MAN2B1: variants seen among roughly 807,000 people sequenced by gnomAD.
MAN2B1 encodes the protein lysosomal alpha-mannosidase.
MAN2B1 carries 99 observed loss-of-function variants against 127.5 expected under a neutral mutation model. The observed-to-expected ratio is 0.78, with a 90% CI of 0.66 to 0.92. The LOEUF (loss-of-function observed/expected upper bound fraction) is 0.92, where lower values mean the gene tolerates loss of function less well. MAN2B1 is among the 40% of genes least tolerant of loss of function. MAN2B1 has a pLI of 0.00. For synonymous variants in MAN2B1, 573 were observed against 568.8 expected (o/e 1.01, Z -0.11); for missense variants, 1,304 against 1,384.8 (o/e 0.94, Z 0.93).
In MAN2B1 at chr19:12,646,736, G is replaced by C; in HGVS notation, c.2924-4C>G. 3 of 1,603,350 alleles carry C rather than the reference G, an allele frequency of 1.9e-6. No individual in the cohort carries two copies. Among genetic ancestry groups the C allele is most frequent in the Non-Finnish European group, 2.6e-6 (3 of 1,170,184 alleles). Reference sequence around the variant, plus strand: ...GGAGTTTGGTGGGGTGTGGGGCCTGGAGAGGTGCAGGGGGAAGGAGGAGTG... The same window carrying C: ...GGAGTTTGGTGGGGTGTGGGGCCTGCAGAGGTGCAGGGGGAAGGAGGAGTG... On this transcript the variant is annotated splice_polypyrimidine_tract_variant and splice_region_variant and intron_variant, in intron 23 of 23. Coordinates refer to ENST00000456935, the MANE Select transcript of MAN2B1 (RefSeq NM_000528.4).
At chr19:12,652,091 C>T in intron 16 of MAN2B1, 62 bp downstream of exon 16, 4 of 1,290,668 alleles carry the variant, frequency 3.1e-6, no homozygotes, top group Non-Finnish European at 3.4e-6. Flanking sequence ...TGGCCCACCA[C>T]CCTCTTGGGC....
chr19:12,653,233 G>A (rs1318711372), intron 14 of MAN2B1, among the ~76,000 whole-genome samples: 3 of 138,816 alleles, frequency 2.2e-5, no homozygotes, highest in Admixed American at 7.5e-5. Flanking sequence ...TGCAACCTCC[G>A]CCTCCCGGGT....
intron 3 of MAN2B1, 159 bp from the exon 4 acceptor site, chr19:12,665,144 G>GC: frequency 9.8e-7 from 1 of 1,016,402 alleles, no homozygotes; most frequent in Non-Finnish European, 1.5e-6. Flanking sequence ...TGGGAAAGAG[G>GC]CCCCCTGCAT....
intron 3 of MAN2B1, 160 bp from the exon 4 acceptor site, chr19:12,665,145 C>T: frequency 2.0e-6 from 2 of 1,010,892 alleles, no homozygotes; most frequent in South Asian, 1.3e-5. Flanking sequence ...GGGAAAGAGG[C>T]CCCCTGCATG....
At chr19:12,658,781 T>C in intron 7 of MAN2B1, 1 of 489,926 alleles carries the variant, frequency 2.0e-6, no homozygotes, top group Non-Finnish European at 3.7e-6. Flanking sequence ...TATTAAAAAC[T>C]TTTGTGGAAA....
chr19:12,656,880 A>G, intron 12 of MAN2B1, 69 bp downstream of exon 12: 1 of 1,334,218 alleles, frequency 7.5e-7, no homozygotes, highest in South Asian at 1.2e-5. Context: ...ATAGTCCTCC[A>G]AAAACATTTT....
intron 4 of MAN2B1, 112 bp from the exon 5 acceptor site, chr19:12,663,947 G>A: frequency 1.5e-6 from 2 of 1,370,446 alleles, no homozygotes; most frequent in South Asian, 2.4e-5. Context: ...AGCAGTGCTA[G>A]GTCGATGTGG....
At chr19:12,657,686 C>A (rs1359446913) in intron 10 of MAN2B1, 131 bp from the exon 11 acceptor site, 25 of 808,638 alleles carry the variant, frequency 3.1e-5, no homozygotes, top group Non-Finnish European at 5.3e-5. Flanking sequence ...CGGCTGGGGG[C>A]GGTGGCTCAC....
intron 10 of MAN2B1, 91 bp downstream of exon 10, chr19:12,657,954 CAAAAAAAAAAAAAAAAAA>C (rs35296973): frequency 4.2e-6 from 2 of 481,462 alleles, no homozygotes; most frequent in Admixed American, 4.3e-5. Context: ...GACTCCGTCT[CAAAAAAAAAAAAAAAAAA>C]AAAAAAAAAG....
In MAN2B1 at chr19:12,655,754, G is replaced by C; in HGVS notation, c.1770C>G (p.Ala590=). 1.2e-6 allele frequency: 2 copies of C among 1,609,310 alleles called. No homozygotes were observed. Among genetic ancestry groups the C allele is most frequent in the Non-Finnish European group, 1.7e-6 (2 of 1,176,290 alleles). The change falls in exon 14 of 24, where the codon GCC becomes GCG. Residue 590 remains alanine, a synonymous_variant. Transcript: ENST00000456935. ...VAQVPRWKPQ[A]RAPQPIPRRS... is the part of the protein sequence containing the mutation. Reference sequence around the variant, plus strand: ...TTCTGGGGATGGGCTGTGGTGCGCGGGCCTGGGGCTTCCAGCGAGGCACCT... The same window carrying C: ...TTCTGGGGATGGGCTGTGGTGCGCGCGCCTGGGGCTTCCAGCGAGGCACCT...
In MAN2B1 at chr19:12,646,656, G is replaced by A. The variant is rs765633432; in HGVS notation, c.3000C>T (p.Phe1000=). 3 of 1,614,066 alleles carry A rather than the reference G, an allele frequency of 1.9e-6. No individual in the cohort carries two copies. The change falls in exon 24 of 24, where the codon TTC becomes TTT. Residue 1000 remains phenylalanine (F), a synonymous_variant. Transcript: ENST00000456935. ...ITLEPMEIRT[F]LASVQWKEVD... ...CCTCCTTCCATTGAACTGAGGCCAG[G>A]AAAGTGCGGATTTCCATGGGTTCCA...
Position 12,652,232 on chromosome 19 carries a change from G to T in MAN2B1, c.1967C>A (p.Ala656Asp). Residue 656 changes from alanine (A) to aspartate (D), a missense_variant, in exon 16 of 24, where the codon GCC becomes GAC. Physicochemically the swap from Ala to Asp is moderately radical, Grantham distance 126. Transcript: ENST00000456935. The stretch of plus-strand genomic sequence containing the variant: ...GGGTCTGAAGATGTAGGCACCTGAG[G>T]CCTGGTCACTTTCGTTGTCACCTAT... ...ASIGDNESDQASGAYIFRPNQ... is the reference protein window; with the variant it reads ...ASIGDNESDQDSGAYIFRPNQ... 6.2e-7 allele frequency: 1 copy of T among 1,614,158 alleles called. No individual in the cohort carries two copies. Among genetic ancestry groups the T allele is most frequent in the Non-Finnish European group, 8.5e-7 (1 of 1,180,026 alleles).
At position 12,663,840 on chromosome 19, in the gene MAN2B1, G is replaced by A; in HGVS notation, c.631-5C>T. On this transcript the variant is annotated splice_polypyrimidine_tract_variant and splice_region_variant and intron_variant, in intron 4 of 23. Coordinates refer to ENST00000456935, the MANE Select transcript of MAN2B1 (RefSeq NM_000528.4). ...GAAGAAGCCGTCGAAGCCCATCTGGGGATGAGGGAGGAAAAGGCAGTGTGA... is the reference window on the plus strand; with the variant it reads ...GAAGAAGCCGTCGAAGCCCATCTGGAGATGAGGGAGGAAAAGGCAGTGTGA... 6.2e-7 allele frequency: 1 copy of A among 1,614,106 alleles called. No individual in the cohort carries two copies. Among genetic ancestry groups the A allele is most frequent in the Non-Finnish European group, 8.5e-7 (1 of 1,180,020 alleles).
In MAN2B1 at chr19:12,666,665, G is replaced by T; in HGVS notation, c.37C>A (p.Arg13Ser). Reference sequence around the variant, plus strand: ...GGGCCTGCTGAGTCCAGGCAGCCGCGAGCGCAGACCCCCGAAGCCCGCGCG... The same window carrying T: ...GGGCCTGCTGAGTCCAGGCAGCCGCTAGCGCAGACCCCCGAAGCCCGCGCG... ...AYARASGVCA[R>S]GCLDSAGPWT... The change falls in exon 1 of 24, where the codon CGC becomes AGC. Residue 13 changes from arginine (R) to serine (S), a missense_variant. Transcript: ENST00000456935. The T allele has an allele frequency of 6.4e-7, 1 of 1,552,292 alleles. No individual in the cohort carries two copies. Among genetic ancestry groups the T allele is most frequent in the Non-Finnish European group, 8.7e-7 (1 of 1,148,046 alleles).
Position 12,648,321 on chromosome 19 carries a change from C to G in MAN2B1, c.2518G>C (p.Gly840Arg), listed in dbSNP as rs752079394. The G allele has an allele frequency of 6.2e-7, 1 of 1,613,672 alleles. No individual in the cohort carries two copies. The highest frequency in any genetic ancestry group is 1.7e-5 in the Admixed American group (1 of 60,012). ...GTGTCCAGCAGCACCAGGTGGCGCC[C>G]TCGCACCCACGCCCCCGACCCGTTC... ...MENGSGAWVR[G>R]RHLVLLDTAQ... The change falls in exon 21 of 24, where the codon GGG becomes CGG. Residue 840 changes from glycine (G) to arginine (R), a missense_variant. Gly to Arg is a moderately radical substitution (Grantham distance 125). Coordinates refer to ENST00000456935, the MANE Select transcript of MAN2B1 (RefSeq NM_000528.4).
Position 12,647,327 on chromosome 19 carries a change from G to T in MAN2B1, c.2829C>A (p.Phe943Leu). ...APVTLNLRDLFSTFTITRLQE... is the reference protein window; with the variant it reads ...APVTLNLRDLLSTFTITRLQE... ...GCAGGCGGGTGATGGTGAAGGTGGA[G>T]AACAGGTCCTGCGGGGAAGGGGATG... The change falls in exon 23 of 24, where the codon TTC becomes TTA. Residue 943 changes from phenylalanine to leucine, a missense_variant. Physicochemically the swap from Phe to Leu is conservative, Grantham distance 22. Transcript: ENST00000456935. This position sits in a 1 kb window ranked among gnomAD's most constrained non-coding sequence, Gnocchi z 4.9. 1 of 1,614,122 alleles carries T rather than the reference G, an allele frequency of 6.2e-7. No individual in the cohort carries two copies. The highest frequency in any genetic ancestry group is 8.5e-7 in the Non-Finnish European group (1 of 1,179,980).
chr19:12,651,716 T>C (rs1482438065), intron 16 of MAN2B1, among the ~76,000 whole-genome samples: 7 of 152,150 alleles, frequency 4.6e-5, no homozygotes, highest in Non-Finnish European at 4.4e-5. Flanking sequence ...GATGCACCCA[T>C]AGGCATTCAC....
chr19:12,649,183 G>C lies in MAN2B1; in HGVS notation c.2389C>G (p.Arg797Gly). ...CTCAGGCTGCTGCCCCCCTGGGAGC[G>C]GTCAGTCAGCACAGTCAGCTGCATG... ...GNMQLTVLTDRSQGGSSLRDG... is the reference protein window; with the variant it reads ...GNMQLTVLTDGSQGGSSLRDG... Residue 797 changes from arginine (R) to glycine (G), a missense_variant, in exon 20 of 24, where the codon CGC becomes GGC. Transcript: ENST00000456935. The C allele has an allele frequency of 6.2e-7, 1 of 1,612,996 alleles. No homozygotes were observed. The highest frequency in any genetic ancestry group is 8.5e-7 in the Non-Finnish European group (1 of 1,179,998).
At chr19:12,661,098 T>A (rs2024091508) in intron 7 of MAN2B1, 162 bp downstream of exon 7, 2 of 653,120 alleles carry the variant, frequency 3.1e-6, no homozygotes, top group Non-Finnish European at 5.7e-6. Flanking sequence ...AGACAATGTA[T>A]TTCTGTTGTT....
Sources: gnomAD v4.1 joint callset for allele counts (sites outside exome capture counted in the v4.1 genomes callset) on GRCh38, gnomAD v4.1.1 for gene constraint, Gnocchi (gnomAD v3.1) non-coding constraint, MANE v1.5 for transcripts, NCBI Gene and HGNC (gene_info 2026-07-23, HGNC 2026-07-21) for gene names.